Variants in RFTN1 observed in about 807,000 individuals in gnomAD.
RFTN1 encodes the protein raftlin, lipid raft linker 1, also known as raftlin.
A neutral mutation model predicts 46.5 loss-of-function variants in RFTN1; 26 were observed. The ratio of observed to expected loss-of-function variants is 0.56; its 90% CI spans 0.41 to 0.78. The LOEUF is 0.78. Ranked by LOEUF, RFTN1 falls within the 30% of genes least tolerant of loss-of-function variation. RFTN1 has a pLI of 0.00. For synonymous variants in RFTN1, 261 were observed against 284.2 expected, an observed-to-expected ratio of 0.92 and a Z score of 0.82; for missense variants, 693 against 718.7, an observed-to-expected ratio of 0.96 and a Z score of 0.41.
At chr3:16,377,610 T>G in intron 5 of RFTN1, 108 bp downstream of exon 5, 1 of 1,489,432 alleles carries the variant, frequency 6.7e-7, no homozygotes, top group Non-Finnish European at 8.9e-7. Context: ...GACTGCTGTC[T>G]CTACACTCTA....
In RFTN1 at chr3:16,377,826, G is replaced by A; in HGVS notation, c.718C>T (p.Pro240Ser). The change falls in exon 5 of 10, where the codon CCC (proline) becomes TCC (serine). Residue 240 changes from proline to serine, a missense_variant. Coordinates refer to ENST00000334133, the MANE Select transcript of RFTN1 (RefSeq NM_015150.2). The part of the protein sequence containing the change: ...EVPLAKQPSS[P>S]SGEGDGGELS... ...TCTCCACCATCTCCCTCTCCGGAGG[G>A]TGAGCTGGGCTGCTTGGCGAGGGGC... 1 of 1,614,208 alleles carries A rather than the reference G, an allele frequency of 6.2e-7. No individual in the cohort carries two copies. The highest frequency in any genetic ancestry group is 8.5e-7 in the Non-Finnish European group (1 of 1,180,032).
chr3:16,355,653 G>T (rs1241979969), intron 7 of RFTN1, among the ~76,000 whole-genome samples: 2 of 152,170 alleles, frequency 1.3e-5, no homozygotes, highest in African/African-American at 2.4e-5. Context: ...ACCCGCCCTG[G>T]TTCTTAAAAT....
At position 16,321,004 on chromosome 3, in the gene RFTN1, A is replaced by G. The variant is rs2068985793; in HGVS notation, c.1332+2372T>C. On this transcript the variant is annotated intron_variant, in intron 9 of 9. Coordinates refer to ENST00000334133, the MANE Select transcript of RFTN1 (RefSeq NM_015150.2). The surrounding 1 kb of genome is among the most constrained non-coding windows in gnomAD (Gnocchi z 4.8). ...TAGAATAGCTGAGGCGAGTGATGGT[A>G]GAGAGAAGTGGAGGGATTCCAGAGC... Among the ~76,000 whole-genome samples the G allele has an allele frequency of 6.6e-6, 1 of 152,210 alleles. No homozygotes were observed. The highest frequency in any genetic ancestry group is 1.5e-5 in the Non-Finnish European group (1 of 68,042).
chr3:16,316,806 T>C lies in RFTN1; in HGVS notation c.*22A>G, dbSNP rs2068439319. ...CCTTGGGTTTGGCAACTCACCTAGT[T>C]TTAGCACAAATTGCCCAAGACTCAG... On this transcript the variant is annotated 3_prime_UTR_variant, in exon 10 of 10. Transcript: ENST00000334133. This position sits in a 1 kb window ranked among gnomAD's most constrained non-coding sequence, Gnocchi z 4.5. The C allele has an allele frequency of 4.3e-6, 7 of 1,613,154 alleles. No homozygotes were observed. Among genetic ancestry groups the C allele is most frequent in the Non-Finnish European group, 5.9e-6 (7 of 1,179,854 alleles).
chr3:16,470,598 C>T (rs549353186), intron 2 of RFTN1, among the ~76,000 whole-genome samples: 1 of 152,344 alleles, frequency 6.6e-6, no homozygotes, highest in South Asian at 2.1e-4. Flanking sequence ...CTCTGGCAGA[C>T]TCCTGAACCA....
Position 16,447,920 on chromosome 3 carries a change from T to C in RFTN1, c.146-13883A>G, listed in dbSNP as rs1160349463. 6.6e-6 allele frequency among the ~76,000 whole-genome samples: 1 copy of C among 152,208 alleles called. No individual in the cohort carries two copies. Among genetic ancestry groups the C allele is most frequent in the Non-Finnish European group, 1.5e-5 (1 of 68,032 alleles). On this transcript the variant is annotated intron_variant, in intron 2 of 9. Coordinates refer to ENST00000334133, the MANE Select transcript of RFTN1 (RefSeq NM_015150.2). The surrounding 1 kb of genome is among the most constrained non-coding windows in gnomAD (Gnocchi z 5.9). ...GATCTGATAGGCATTTGTGTGCTTA[T>C]AAGGAATCTTTAGATTTTCTCTAAT...
chr3:16,475,586 G>GAGAAGA lies in RFTN1; in HGVS notation c.145+18133_145+18138dup, dbSNP rs1360001385. 6.6e-6 allele frequency among the ~76,000 whole-genome samples: 1 copy of GAGAAGA among 152,256 alleles called. No individual in the cohort carries two copies. Among genetic ancestry groups the GAGAAGA allele is most frequent in the Non-Finnish European group, 1.5e-5 (1 of 68,050 alleles). Reference sequence around the variant, plus strand: ...CCATTGCTGCCATACAACAGGGGCAGAGAAGAGTATGCCTGGCACCTGGAG... The same window carrying GAGAAGA: ...CCATTGCTGCCATACAACAGGGGCAGAGAAGAAGAAGAGTATGCCTGGCACCTGGAG... On this transcript the variant is annotated intron_variant, in intron 2 of 9. Coordinates refer to ENST00000334133, the MANE Select transcript of RFTN1 (RefSeq NM_015150.2). This position sits in a 1 kb window ranked among gnomAD's most constrained non-coding sequence, Gnocchi z 4.2.
intron 8 of RFTN1, among the ~76,000 whole-genome samples, chr3:16,325,812 ACT>A (rs2069631584): frequency 6.6e-6 from 1 of 152,052 alleles, no homozygotes; most frequent in African/African-American, 2.4e-5. Flanking sequence ...ATGATTCTGC[ACT>A]CTCAATCACC....
intron 1 of RFTN1, among the ~76,000 whole-genome samples, chr3:16,502,397 A>G (rs1226817773): frequency 5.3e-5 from 8 of 151,908 alleles, no homozygotes; most frequent in South Asian, 2.1e-4. Context: ...AAAAAAAAAA[A>G]AAGAAAGAAA....
chr3:16,469,633 G>A (rs768102989), intron 2 of RFTN1, among the ~76,000 whole-genome samples: 20 of 152,242 alleles, frequency 1.3e-4, no homozygotes, highest in Non-Finnish European at 2.4e-4. Context: ...GAGGGAAGGG[G>A]GGAAGAGAGA....
chr3:16,454,397 C>T (rs2075870250), intron 2 of RFTN1, among the ~76,000 whole-genome samples: 1 of 152,146 alleles, frequency 6.6e-6, no homozygotes, highest in Non-Finnish European at 1.5e-5. Flanking sequence ...ATTAGGAATG[C>T]AGGTCCCAGG....
chr3:16,445,252 G>A (rs1204781345), intron 2 of RFTN1, among the ~76,000 whole-genome samples: 1 of 152,040 alleles, frequency 6.6e-6, no homozygotes, highest in Non-Finnish European at 1.5e-5. Flanking sequence ...GAGTATGATT[G>A]CTCTGATACC....
rs551153302 is a variant in RFTN1 at position 16,334,261 on chromosome 3, C to T, written c.1147-7385G>A. ...GTAAAAACCCAAAAGTTAGGCAGCC[C>T]GCTTTGTTGCCAAGGCCGTGGGGAA... On this transcript the variant is annotated intron_variant, in intron 7 of 9. Transcript: ENST00000334133. The surrounding 1 kb of genome is among the most constrained non-coding windows in gnomAD (Gnocchi z 4.3). 1.2e-4 allele frequency among the ~76,000 whole-genome samples: 18 copies of T among 152,248 alleles called. No homozygotes were observed. Among genetic ancestry groups the T allele is most frequent in the African/African-American group, 3.9e-4 (16 of 41,542 alleles).
At chr3:16,497,205 C>T (rs2076639436) in intron 1 of RFTN1, among the ~76,000 whole-genome samples, 1 of 152,182 alleles carries the variant, frequency 6.6e-6, no homozygotes, top group African/African-American at 2.4e-5. Flanking sequence ...CTTTCCCATA[C>T]TTACACTAAA....
chr3:16,508,471 C>T (rs992415094), intron 1 of RFTN1, among the ~76,000 whole-genome samples: 4 of 152,184 alleles, frequency 2.6e-5, no homozygotes, highest in Non-Finnish European at 5.9e-5. Flanking sequence ...GTAAGTCACA[C>T]AATTGCATAT....
In RFTN1 at chr3:16,335,951, G is replaced by A. The variant is rs140348153; in HGVS notation, c.1147-9075C>T. Among the ~76,000 whole-genome samples the A allele has an allele frequency of 7.2e-5, 11 of 152,374 alleles. No individual in the cohort carries two copies. The highest frequency in any genetic ancestry group is 2.2e-4 in the African/African-American group (9 of 41,598). ...GACTGGTGGCAGCTGCTAGTGCAGA[G>A]GAGGCAGAGCATGCTGGCGCCTTCT... On this transcript the variant is annotated intron_variant, in intron 7 of 9. Coordinates refer to ENST00000334133, the MANE Select transcript of RFTN1 (RefSeq NM_015150.2). This position sits in a 1 kb window ranked among gnomAD's most constrained non-coding sequence, Gnocchi z 4.7.
At chr3:16,430,258 G>C (rs939281744) in intron 3 of RFTN1, among the ~76,000 whole-genome samples, 1 of 152,060 alleles carries the variant, frequency 6.6e-6, no homozygotes, top group African/African-American at 2.4e-5. Context: ...CTACAGGCGT[G>C]CGCCACTACA....
Position 16,440,405 on chromosome 3 carries a change from A to G in RFTN1, c.146-6368T>C, listed in dbSNP as rs2075598873. Reference sequence around the variant, plus strand: ...TTTTTAGTAGAGTCAGGGTTTCACTATGTTGGCCAGGCTGGTCTTGAACTC... The same window carrying G: ...TTTTTAGTAGAGTCAGGGTTTCACTGTGTTGGCCAGGCTGGTCTTGAACTC... On this transcript the variant is annotated intron_variant, in intron 2 of 9. Transcript: ENST00000334133. This position sits in a 1 kb window ranked among gnomAD's most constrained non-coding sequence, Gnocchi z 4.6. Among the ~76,000 whole-genome samples, 1 of 152,138 alleles carries G rather than the reference A, an allele frequency of 6.6e-6. No individual in the cohort carries two copies. The highest frequency in any genetic ancestry group is 6.5e-5 in the Admixed American group (1 of 15,278).
At position 16,444,519 on chromosome 3, in the gene RFTN1, G is replaced by A. The variant is rs543971419; in HGVS notation, c.146-10482C>T. ...AGCAAGTGTGAGTGTATGTGTGAGA[G>A]TACTCCTGCAATGGAATGACATCCT... On this transcript the variant is annotated intron_variant, in intron 2 of 9. Coordinates refer to ENST00000334133, the MANE Select transcript of RFTN1 (RefSeq NM_015150.2). 7.2e-5 allele frequency among the ~76,000 whole-genome samples: 11 copies of A among 152,308 alleles called. No homozygotes were observed. In the South Asian group the frequency reaches 1.7e-3, roughly 23 times the overall value.
Sources: gnomAD v4.1 joint callset for allele counts (sites outside exome capture counted in the v4.1 genomes callset) on GRCh38, gnomAD v4.1.1 for gene constraint, Gnocchi (gnomAD v3.1) non-coding constraint, MANE v1.5 for transcripts, NCBI Gene and HGNC (gene_info 2026-07-23, HGNC 2026-07-21) for gene names.